SMIM7: variants seen among roughly 807,000 people sequenced by gnomAD.
SMIM7 encodes the protein small integral membrane protein 7, also known as UPF0608 protein C19orf42.
SMIM7 carries 12 observed loss-of-function variants against 13.3 expected under a neutral mutation model. That is an observed-to-expected ratio of 0.90 (90% CI 0.58 to 1.46). The LOEUF (loss-of-function observed/expected upper bound fraction) is 1.46, where lower values mean the gene tolerates loss of function less well. Among genes scored for constraint, SMIM7 ranks in the 40% most tolerant of loss-of-function variants. The probability of loss-of-function intolerance (pLI) is 0.00; values close to 1 mark genes in which losing one functional copy is unlikely to be tolerated. For missense variants in SMIM7, 114 were observed against 94.8 expected, an observed-to-expected ratio of 1.20 and a Z score of -0.84; for synonymous variants, 36 against 35.8, an observed-to-expected ratio of 1.01 and a Z score of -0.02.
At chr19:16,659,677 A>T in intron 2 of SMIM7, 1 of 649,310 alleles carries the variant, frequency 1.5e-6, no homozygotes, top group Non-Finnish European at 2.7e-6. Context: ...GTGCGGGTGC[A>T]GGGCGGAAGG....
chr19:16,659,458 G>A lies in SMIM7; in HGVS notation c.69-11C>T, dbSNP rs150409915. ...GTGTCCTTCTTTTTCCTACAAAGAG[G>A]AGCAGACAGTGTCCACTTTCAATGG... On this transcript the variant is annotated splice_polypyrimidine_tract_variant and intron_variant, in intron 2 of 4. Coordinates refer to ENST00000487416, the MANE Select transcript of SMIM7 (RefSeq NM_024104.4). 1.1e-5 allele frequency: 18 copies of A among 1,611,972 alleles called. No homozygotes were observed. The highest frequency in any genetic ancestry group is 1.4e-5 in the Non-Finnish European group (17 of 1,179,290).
intron 2 of SMIM7, 76 bp downstream of exon 2, chr19:16,659,883 G>C: frequency 6.5e-7 from 1 of 1,532,538 alleles, no homozygotes; most frequent in Non-Finnish European, 8.8e-7. Flanking sequence ...CCTGAGAAGT[G>C]CGCCGAGATC....
intron 4 of SMIM7, among the ~76,000 whole-genome samples, chr19:16,635,883 C>CAAA (rs1207972448): frequency 0.062 from 4,929 of 79,704 alleles, 211 homozygotes; most frequent in African/African-American, 0.13. Flanking sequence ...GACCCTGTCT[C>CAAA]AAAAAAAAAA....
downstream of SMIM7, among the ~76,000 whole-genome samples, chr19:16,642,823 CTTTT>C (rs11323250): frequency 7.5e-6 from 1 of 133,508 alleles, no homozygotes; most frequent in Non-Finnish European, 1.6e-5. Flanking sequence ...GAGACCTTAT[CTTTT>C]TTTTTTTTTT....
chr19:16,655,129 G>A, intron 3 of SMIM7: 1 of 339,910 alleles, frequency 2.9e-6, no homozygotes, highest in East Asian at 7.5e-5. Context: ...AATTCTGTTG[G>A]ATGTTTCAAT....
intron 4 of SMIM7, among the ~76,000 whole-genome samples, chr19:16,648,532 G>A (rs7255828): frequency 0.014 from 2,136 of 152,170 alleles, 44 homozygotes; most frequent in African/African-American, 0.049. Flanking sequence ...TGCAAAATAC[G>A]CACGTGATAA....
At chr19:16,639,681 C>T (rs1401191392) in intron 4 of SMIM7, among the ~76,000 whole-genome samples, 1 of 152,156 alleles carries the variant, frequency 6.6e-6, no homozygotes, top group Non-Finnish European at 1.5e-5. Context: ...TGGCAGAGAC[C>T]TGGGGGCAGG....
At chr19:16,643,657 A>C (rs529412554), downstream of SMIM7, among the ~76,000 whole-genome samples, 1 of 152,152 alleles carries the variant, frequency 6.6e-6, no homozygotes, top group Non-Finnish European at 1.5e-5. Context: ...TCAGCCTCCT[A>C]AAGTGCTGGG....
chr19:16,658,518 C>G (rs538760648), intron 3 of SMIM7, among the ~76,000 whole-genome samples: 1 of 152,288 alleles, frequency 6.6e-6, no homozygotes, highest in South Asian at 2.1e-4. Flanking sequence ...AGTCTACAGG[C>G]CCCACCTCCT....
At chr19:16,642,084 CTGT>C (rs2086408289), downstream of SMIM7, among the ~76,000 whole-genome samples, 1 of 152,182 alleles carries the variant, frequency 6.6e-6, no homozygotes, top group Non-Finnish European at 1.5e-5. Context: ...AGGGTAGGTG[CTGT>C]ACATTGTGGC....
chr19:16,644,226 T>A (rs1166608359), downstream of SMIM7, among the ~76,000 whole-genome samples: 1 of 147,078 alleles, frequency 6.8e-6, no homozygotes, highest in Non-Finnish European at 1.5e-5. Flanking sequence ...GTTCAAGTGA[T>A]TATCCTGCCT....
intron 4 of SMIM7, among the ~76,000 whole-genome samples, chr19:16,636,027 G>A (rs1349680273): frequency 6.6e-6 from 1 of 151,558 alleles, no homozygotes; most frequent in Non-Finnish European, 1.5e-5. Context: ...CATGGCAAGG[G>A]ATAATTAAGG....
At chr19:16,659,647 GT>G in intron 2 of SMIM7, 200 bp from the exon 3 acceptor site, 1 of 667,930 alleles carries the variant, frequency 1.5e-6, no homozygotes, top group Non-Finnish European at 2.6e-6. Flanking sequence ...GCCACCGACC[GT>G]TTACAAAGTG....
At chr19:16,650,187 A>T (rs1051701663) in intron 4 of SMIM7, among the ~76,000 whole-genome samples, 1 of 152,174 alleles carries the variant, frequency 6.6e-6, no homozygotes, top group African/African-American at 2.4e-5. Context: ...ATTTCAACAC[A>T]CAGAAGAGTT....
At chr19:16,656,517 G>C (rs867872047) in intron 3 of SMIM7, among the ~76,000 whole-genome samples, 1 of 152,156 alleles carries the variant, frequency 6.6e-6, no homozygotes, top group African/African-American at 2.4e-5. Flanking sequence ...ACATGTGACT[G>C]CTCTGGTGGG....
intron 4 of SMIM7, chr19:16,634,692 C>T (rs1341270105): frequency 6.8e-6 from 1 of 147,510 alleles, no homozygotes; most frequent in African/African-American, 2.5e-5. Context: ...GTAGGAGAAC[C>T]ACTTGAATCC....
chr19:16,646,984 C>T lies in SMIM7; in HGVS notation c.*262G>A. On this transcript the variant is annotated 3_prime_UTR_variant, in exon 5 of 5. Coordinates refer to ENST00000487416, the MANE Select transcript of SMIM7 (RefSeq NM_024104.4). ...ATCTATGGGGAATGCAATTTCATCA[C>T]AGCCCCTTACATAAACGCTCCTGAA... The T allele has an allele frequency of 1.8e-6, 1 of 560,026 alleles. No individual in the cohort carries two copies. The highest frequency in any genetic ancestry group is 3.2e-6 in the Non-Finnish European group (1 of 313,746). 34.7% of individuals were successfully genotyped at this position (560,026 alleles called of 1,614,324 possible).
chr19:16,653,017 A>G lies in SMIM7; in HGVS notation c.212+1018T>C, dbSNP rs2086548574. 6 of 1,538,864 alleles carry G rather than the reference A, an allele frequency of 3.9e-6. No homozygotes were observed. The South Asian group carries it at 4.8e-5, about 12-fold the overall frequency. On this transcript the variant is annotated intron_variant, in intron 4 of 4. Coordinates refer to ENST00000487416, the MANE Select transcript of SMIM7 (RefSeq NM_024104.4). ...AACAATAAAGTCTGAATACATTTCT[A>G]CTGGCTTCCAGCCCAGGTGGAGCAG...
In SMIM7 at chr19:16,646,843, G is replaced by A. The variant is rs750171477; in HGVS notation, c.*403C>T. 24 of 240,244 alleles carry A rather than the reference G, an allele frequency of 1.0e-4. No homozygotes were observed. Among genetic ancestry groups the A allele is most frequent in the Non-Finnish European group, 1.8e-4 (22 of 119,694 alleles). The allele number at this position is 240,244 out of a possible 1,614,324, so 14.9% of individuals were successfully genotyped here. ...CAGTTTGTTAACAGGGCCCCTGGCC[G>A]GGCCCAGAGGCTGTCAGACTCAGCA... On this transcript the variant is annotated 3_prime_UTR_variant, in exon 5 of 5. Transcript: ENST00000487416.
Sources: allele counts gnomAD v4.1 joint callset (sites outside exome capture counted in the v4.1 genomes callset), GRCh38; gene constraint gnomAD v4.1.1; transcripts MANE v1.5; gene names NCBI Gene and HGNC (gene_info 2026-07-23, HGNC 2026-07-21).